Variants in SLC8A1 observed in about 807,000 individuals in gnomAD.
The protein encoded by SLC8A1 is sodium/calcium exchanger 1.
A neutral mutation model predicts 68.3 loss-of-function variants in SLC8A1; 18 were observed. The ratio of observed to expected loss-of-function variants is 0.26; its 90% CI spans 0.18 to 0.39. The LOEUF is 0.39. Ranked by LOEUF, SLC8A1 falls within the 10% of genes least tolerant of loss-of-function variation. SLC8A1 has a pLI of 1.00. For synonymous variants in SLC8A1, 475 were observed against 415.5 expected (o/e 1.14, Z -1.74); for missense variants, 985 against 1,156.7 (o/e 0.85, Z 2.15).
intron 7 of SLC8A1, among the ~76,000 whole-genome samples, chr2:40,135,101 A>G (rs1289086696): frequency 6.8e-6 from 1 of 147,740 alleles, no homozygotes; most frequent in African/African-American, 2.7e-5. Flanking sequence ...GTGTGGATAG[A>G]AAAAAAGGCC....
chr2:40,224,789 A>G (rs1185534560), intron 2 of SLC8A1, among the ~76,000 whole-genome samples: 2 of 152,166 alleles, frequency 1.3e-5, no homozygotes, highest in African/African-American at 4.8e-5. Flanking sequence ...CAATCTATCC[A>G]TCTGACAAAG....
chr2:40,246,923 T>C (rs973561299), intron 2 of SLC8A1, among the ~76,000 whole-genome samples: 2 of 142,788 alleles, frequency 1.4e-5, no homozygotes, highest in Admixed American at 1.5e-4. Context: ...AAGTTTGTAC[T>C]CTAACATATT....
chr2:40,360,669 C>G (rs1385564899), intron 2 of SLC8A1, among the ~76,000 whole-genome samples: 2 of 152,120 alleles, frequency 1.3e-5, no homozygotes, highest in African/African-American at 4.8e-5. Flanking sequence ...GTCACTTGCC[C>G]AAGGTCACAT....
At chr2:40,428,341 C>G in intron 2 of SLC8A1, 132 bp downstream of exon 2, 4 of 1,373,106 alleles carry the variant, frequency 2.9e-6, no homozygotes, top group Non-Finnish European at 3.7e-6. Flanking sequence ...TGAAAGGGAT[C>G]TTGTATAAAA....
chr2:40,250,672 CCTAA>C (rs1229491964), intron 2 of SLC8A1, among the ~76,000 whole-genome samples: 6 of 152,142 alleles, frequency 3.9e-5, no homozygotes, highest in Non-Finnish European at 7.3e-5. Flanking sequence ...GAAACTTTCG[CCTAA>C]CTTTCTCCTA....
intron 1 of SLC8A1, among the ~76,000 whole-genome samples, chr2:40,500,997 T>C (rs372749326): frequency 1.3e-5 from 2 of 151,868 alleles, no homozygotes; most frequent in South Asian, 2.1e-4. Context: ...ATATCTCTGA[T>C]GTAATGTTCG....
chr2:40,463,839 TACACACACACACACAC>T (rs761954909), intron 1 of SLC8A1, among the ~76,000 whole-genome samples: 5,031 of 123,396 alleles, frequency 0.041, 199 homozygotes, highest in Admixed American at 0.12. Flanking sequence ...CACACACACA[TACACACACACACACAC>T]ACACACACAC....
At chr2:40,381,873 C>T (rs1681923674) in intron 2 of SLC8A1, among the ~76,000 whole-genome samples, 1 of 151,830 alleles carries the variant, frequency 6.6e-6, no homozygotes, top group African/African-American at 2.4e-5. Flanking sequence ...TCACCAACTC[C>T]TCTTCCATAC....
intron 2 of SLC8A1, among the ~76,000 whole-genome samples, chr2:40,280,008 A>G (rs116309098): frequency 0.014 from 2,082 of 152,314 alleles, 47 homozygotes; most frequent in African/African-American, 0.047. Flanking sequence ...CAGACCATGT[A>G]GATACAGCAT....
chr2:40,374,027 C>T (rs932397082), intron 2 of SLC8A1, among the ~76,000 whole-genome samples: 1 of 152,106 alleles, frequency 6.6e-6, no homozygotes, highest in African/African-American at 2.4e-5. Flanking sequence ...CAGTGTGAAA[C>T]ACAGGACGCA....
At chr2:40,489,096 G>T (rs1445148382) in intron 1 of SLC8A1, among the ~76,000 whole-genome samples, 3 of 152,152 alleles carry the variant, frequency 2.0e-5, no homozygotes, top group African/African-American at 7.2e-5. Flanking sequence ...ATTCTGTCAT[G>T]TAACTGTTGC....
intron 2 of SLC8A1, among the ~76,000 whole-genome samples, chr2:40,346,053 A>C (rs1669180518): frequency 6.9e-6 from 1 of 143,992 alleles, no homozygotes; most frequent in Non-Finnish European, 1.6e-5. Context: ...ACAGTAAAAA[A>C]AAAAAAAAAA....
chr2:40,133,146 C>A (rs2039729918), intron 7 of SLC8A1, among the ~76,000 whole-genome samples: 1 of 152,122 alleles, frequency 6.6e-6, no homozygotes, highest in African/African-American at 2.4e-5. Context: ...TAAAGCCATG[C>A]AGTAAGTAAG....
At chr2:40,247,212 T>C (rs1034001756) in intron 2 of SLC8A1, among the ~76,000 whole-genome samples, 64 of 152,190 alleles carry the variant, frequency 4.2e-4, no homozygotes, top group Admixed American at 4.2e-3. Context: ...GCATTAGCTT[T>C]CTGCAGCCTG....
chr2:40,439,056 G>A (rs1700008812), intron 1 of SLC8A1, among the ~76,000 whole-genome samples: 1 of 152,058 alleles, frequency 6.6e-6, no homozygotes, highest in South Asian at 2.1e-4. Flanking sequence ...CTCCAGGCAG[G>A]ATCAAAATAT....
At chr2:40,102,375 T>TTC (rs397800514) in exon 8 of SLC8A1, 1 of 151,664 alleles carries the variant, frequency 6.6e-6, no homozygotes, top group Non-Finnish European at 1.5e-5. Context: ...TTTTTTTTTT[T>TTC]CCTAGTCAAA....
chr2:40,363,799 G>C (rs982208135), intron 2 of SLC8A1, among the ~76,000 whole-genome samples: 6 of 151,882 alleles, frequency 4.0e-5, no homozygotes, highest in Non-Finnish European at 5.9e-5. Context: ...CATTGTATTT[G>C]GGCCCTGAGT....
intron 2 of SLC8A1, among the ~76,000 whole-genome samples, chr2:40,330,737 T>C (rs2076326060): frequency 6.6e-6 from 1 of 152,138 alleles, no homozygotes. Context: ...AAAAATAAAG[T>C]TAAAATATAT....
chr2:40,184,712 G>C (rs1226298143), intron 2 of SLC8A1, among the ~76,000 whole-genome samples: 3 of 152,008 alleles, frequency 2.0e-5, no homozygotes, highest in South Asian at 2.1e-4. Context: ...TCGGGAACTG[G>C]AACTTTCCCA....
Sources: allele counts gnomAD v4.1 joint callset (sites outside exome capture counted in the v4.1 genomes callset), GRCh38; gene constraint gnomAD v4.1.1; transcripts MANE v1.5; gene names NCBI Gene and HGNC (gene_info 2026-07-23, HGNC 2026-07-21).